The following ZC3HAV1 variants were observed in gnomAD, a reference collection of about 807,000 sequenced individuals.
ZC3HAV1 encodes the protein zinc finger CCCH-type antiviral protein 1.
ZC3HAV1 carries 41 observed loss-of-function variants against 86.6 expected under a neutral mutation model. The observed-to-expected ratio is 0.47, with a 90% CI of 0.37 to 0.61. ZC3HAV1 has a LOEUF of 0.61. Ranked by LOEUF, ZC3HAV1 falls within the 20% of genes least tolerant of loss-of-function variation. The pLI is 0.00. For synonymous variants in ZC3HAV1, 421 were observed against 432.1 expected (o/e 0.97, Z 0.32); for missense variants, 964 against 1,141.1 (o/e 0.84, Z 2.24).
intron 7 of ZC3HAV1, among the ~76,000 whole-genome samples, chr7:139,072,805 C>G: frequency 6.6e-6 from 1 of 152,120 alleles, no homozygotes; most frequent in Non-Finnish European, 1.5e-5. Context: ...TAACACATTC[C>G]CTGGTCTAAT....
intron 1 of ZC3HAV1, 40 bp from the exon 2 acceptor site, chr7:139,089,799 C>T (rs181688795): frequency 4.5e-6 from 7 of 1,558,466 alleles, no homozygotes; most frequent in Non-Finnish European, 6.1e-6. Context: ...TTCTACTACA[C>T]AGATGCAAAG....
At chr7:139,096,199 A>G (rs1584870614) in intron 1 of ZC3HAV1, among the ~76,000 whole-genome samples, 1 of 152,156 alleles carries the variant, frequency 6.6e-6, no homozygotes, top group East Asian at 1.9e-4. Context: ...TTTTTAGTAG[A>G]GACGGGGTTT....
chr7:139,107,780 A>G (rs909167699), intron 1 of ZC3HAV1, among the ~76,000 whole-genome samples: 2 of 152,232 alleles, frequency 1.3e-5, no homozygotes, highest in Non-Finnish European at 2.9e-5. Context: ...TCCAGCCTAA[A>G]AAGTTTGCTG....
intron 1 of ZC3HAV1, among the ~76,000 whole-genome samples, chr7:139,093,727 C>T (rs990510133): frequency 2.7e-4 from 41 of 152,296 alleles, no homozygotes; most frequent in African/African-American, 9.1e-4. Flanking sequence ...ACTCTCTTTC[C>T]GGACTCAGCC....
chr7:139,068,924 A>C (rs548075885), intron 7 of ZC3HAV1, among the ~76,000 whole-genome samples: 1 of 152,362 alleles, frequency 6.6e-6, no homozygotes. Flanking sequence ...GTTATGGTCA[A>C]GAGGTCACAC....
intron 9 of ZC3HAV1, among the ~76,000 whole-genome samples, chr7:139,059,258 A>G (rs1816378768): frequency 6.6e-6 from 1 of 152,134 alleles, no homozygotes; most frequent in Admixed American, 6.6e-5. Context: ...TGAGGGCATG[A>G]GATTTACTCC....
At chr7:139,059,134 T>C (rs1410385933) in intron 9 of ZC3HAV1, among the ~76,000 whole-genome samples, 1 of 152,198 alleles carries the variant, frequency 6.6e-6, no homozygotes, top group African/African-American at 2.4e-5. Context: ...ATCTCATTCA[T>C]TGGCTGAATG....
At chr7:139,107,314 T>G (rs1254514030) in intron 1 of ZC3HAV1, among the ~76,000 whole-genome samples, 3 of 152,154 alleles carry the variant, frequency 2.0e-5, no homozygotes, top group African/African-American at 4.8e-5. Context: ...TTAAAGAAAA[T>G]TTTAAATAAA....
At position 139,053,551 on chromosome 7, in the gene ZC3HAV1, T is replaced by A; in HGVS notation, c.2349A>T (p.Lys783Asn). ...WKKSQMKEEG[K>N]LLFYATSRAY... ...CACGGCTTGTCGCATAAAATAGGAG[T>A]TTTCCTTCTTCCTTCATCTGCGATT... Residue 783 changes from lysine (K) to asparagine (N), a missense_variant, in exon 12 of 13, where the codon AAA becomes AAT. By Grantham distance (94) the Lys-to-Asn change is moderately conservative. Coordinates refer to ENST00000242351, the MANE Select transcript of ZC3HAV1 (RefSeq NM_020119.4). 6.3e-7 allele frequency: 1 copy of A among 1,597,378 alleles called. No homozygotes were observed. Among genetic ancestry groups the A allele is most frequent in the Non-Finnish European group, 8.5e-7 (1 of 1,173,552 alleles).
Position 139,080,191 on chromosome 7 carries a change from T to C in ZC3HAV1, c.750A>G (p.Arg250=). The part of the protein sequence containing the change: ...NMAYRARSKS[R]DRFFQGSQEF... ...CTTGGCTGCCCTGAAAGAACCGATC[T>C]CTACTCTTGCTTCTAGCCCTATATG... Residue 250 remains arginine, a synonymous_variant, in exon 4 of 13, where the codon AGA becomes AGG. Transcript: ENST00000242351. The C allele has an allele frequency of 1.2e-6, 2 of 1,614,156 alleles. No individual in the cohort carries two copies.
intron 9 of ZC3HAV1, among the ~76,000 whole-genome samples, chr7:139,059,198 G>C (rs894395754): frequency 1.3e-5 from 2 of 152,094 alleles, no homozygotes; most frequent in Admixed American, 6.6e-5. Context: ...CCTAACATTT[G>C]TCAGGAACTG....
At position 139,053,984 on chromosome 7, in the gene ZC3HAV1, G is replaced by C. The variant is rs779096298; in HGVS notation, c.2299C>G (p.Leu767Val). The C allele has an allele frequency of 6.2e-7, 1 of 1,604,752 alleles. No homozygotes were observed. ...ACCAACCATGTAAATTTATCCAGGA[G>C]CTCTGAGTTCTCGATCTTCTTTATC... The part of the protein sequence containing the change: ...EKIKKIENSE[L>V]LDKFTWKKSQ... The change falls in exon 11 of 13, where the codon CTC becomes GTC. Residue 767 changes from leucine (L) to valine (V), a missense_variant. Physicochemically the swap from Leu to Val is conservative, Grantham distance 32. Transcript: ENST00000242351.
At chr7:139,092,023 AG>A (rs911002046) in intron 1 of ZC3HAV1, among the ~76,000 whole-genome samples, 8 of 152,022 alleles carry the variant, frequency 5.3e-5, no homozygotes, top group South Asian at 2.1e-4. Flanking sequence ...TAGAAAGGGG[AG>A]GGGGGGTCTA....
At chr7:139,092,026 G>A (rs1329448327) in intron 1 of ZC3HAV1, among the ~76,000 whole-genome samples, 5 of 152,168 alleles carry the variant, frequency 3.3e-5, no homozygotes, top group African/African-American at 1.2e-4. Context: ...AAAGGGGAGG[G>A]GGGGTCTAGT....
chr7:139,076,008 A>G (rs1409247888), intron 6 of ZC3HAV1, among the ~76,000 whole-genome samples: 1 of 152,214 alleles, frequency 6.6e-6, no homozygotes, highest in Non-Finnish European at 1.5e-5. Flanking sequence ...ACTGTCAACT[A>G]AACAAATAAT....
rs935177231 is a variant in ZC3HAV1 at position 139,044,574 on chromosome 7, A to G, written c.*3020T>C. The stretch of plus-strand genomic sequence containing the variant: ...GTCAGCAAAGAGAATGTTACAAAAT[A>G]TCTGCTCTGAAAAAGGTGAATAGAT... On this transcript the variant is annotated 3_prime_UTR_variant, in exon 13 of 13. Transcript: ENST00000242351. 2 of 152,282 alleles carry G rather than the reference A, an allele frequency of 1.3e-5. No individual in the cohort carries two copies. Among genetic ancestry groups the G allele is most frequent in the Non-Finnish European group, 2.9e-5 (2 of 68,030 alleles). The allele number at this position is 152,282 out of a possible 1,614,324, so 9.4% of individuals were successfully genotyped here. A position where few individuals can be genotyped will look rare whatever the true frequency, so the allele number is the denominator to read the frequency against.
chr7:139,085,215 C>T (rs897965423), intron 2 of ZC3HAV1, among the ~76,000 whole-genome samples: 5 of 152,194 alleles, frequency 3.3e-5, no homozygotes, highest in African/African-American at 9.6e-5. Flanking sequence ...TTCTGATGTC[C>T]GCTAAAGTTT....
intron 1 of ZC3HAV1, among the ~76,000 whole-genome samples, chr7:139,092,173 G>T (rs919482402): frequency 6.6e-6 from 1 of 152,136 alleles, no homozygotes; most frequent in Non-Finnish European, 1.5e-5. Flanking sequence ...GTTATCAATC[G>T]GACGAATTCC....
chr7:139,094,158 C>G (rs974753965), intron 1 of ZC3HAV1, among the ~76,000 whole-genome samples: 4 of 152,148 alleles, frequency 2.6e-5, no homozygotes, highest in African/African-American at 9.7e-5. Flanking sequence ...TCAGCATCAC[C>G]TAGACAGGAG....
Sources: allele counts gnomAD v4.1 joint callset (sites outside exome capture counted in the v4.1 genomes callset), GRCh38; gene constraint gnomAD v4.1.1; transcripts MANE v1.5; gene names NCBI Gene and HGNC (gene_info 2026-07-23, HGNC 2026-07-21).